ZNF595: variants seen among roughly 807,000 people sequenced by gnomAD.
ZNF595 encodes zinc finger protein 595.
ZNF595 carries 9 observed loss-of-function variants against 19.4 expected under a neutral mutation model. The ratio of observed to expected loss-of-function variants is 0.46; its 90% CI spans 0.28 to 0.81. The LOEUF (loss-of-function observed/expected upper bound fraction) is 0.81, where lower values mean the gene tolerates loss of function less well. Among genes scored for constraint, ZNF595 ranks in the 30% least tolerant of loss-of-function variants. ZNF595 has a pLI of 0.11. For missense variants in ZNF595, 729 were observed against 736.0 expected (o/e 0.99, Z 0.11); for synonymous variants, 255 against 255.9 (o/e 1.00, Z 0.03).
rs550396564 is a variant in ZNF595 at position 76,052 on chromosome 4, G to A, written c.227-9679G>A. ...ATTACAAGTACATGCCACCATGTCC[G>A]GCTAATTTTGTCAGTATTTTTTGTA... On this transcript the variant is annotated intron_variant, in intron 3 of 3. Coordinates refer to ENST00000610261, the MANE Select transcript of ZNF595 (RefSeq NM_182524.4). Among the ~76,000 whole-genome samples the A allele has an allele frequency of 1.1e-4, 17 of 151,954 alleles. No homozygotes were observed. The South Asian group carries it at 3.3e-3, about 30-fold the overall frequency.
chr4:86,977 G>T lies in ZNF595; in HGVS notation c.1473G>T (p.Trp491Cys). ...AAGAATGTGGCAAAGCTTTCATATGGTCCGCAAGCCTGAATGAACATAAGA... is the reference window on the plus strand; with the variant it reads ...AAGAATGTGGCAAAGCTTTCATATGTTCCGCAAGCCTGAATGAACATAAGA... The part of the protein sequence containing the change: ...KCEECGKAFI[W>C]SASLNEHKNI... Residue 491 changes from tryptophan to cysteine, a missense_variant, in exon 4 of 4, where the codon TGG (tryptophan) becomes TGT (cysteine). This residue lies in a region of ZNF595 where 729 missense variants were observed against 675.3 expected (regional missense o/e 1.08). Transcript: ENST00000610261. 2 of 1,612,830 alleles carry T rather than the reference G, an allele frequency of 1.2e-6. No homozygotes were observed. The highest frequency in any genetic ancestry group is 1.7e-6 in the Non-Finnish European group (2 of 1,179,768).
intron 3 of ZNF595, among the ~76,000 whole-genome samples, chr4:83,636 A>G (rs1442498198): frequency 2.0e-5 from 3 of 149,210 alleles, no homozygotes; most frequent in African/African-American, 4.9e-5. Flanking sequence ...AAAAAAAAAA[A>G]AAAAAAAAAG....
chr4:64,408 A>G (rs1469405436), intron 3 of ZNF595, among the ~76,000 whole-genome samples: 2 of 152,120 alleles, frequency 1.3e-5, no homozygotes, highest in East Asian at 3.8e-4. Context: ...TTTCCAAAAA[A>G]GAGAGAAAGT....
chr4:85,785 C>G lies in ZNF595; in HGVS notation c.281C>G (p.Ser94Ter). The change falls in exon 4 of 4, where the codon TCA becomes TGA. Residue 94 changes from serine (S) to a stop codon, truncating the protein, a stop_gained. Coordinates refer to ENST00000610261, the MANE Select transcript of ZNF595 (RefSeq NM_182524.4). LOFTEE classifies it low-confidence loss of function (END_TRUNC). ...DLSPVQGIED[S>*]FHKLILKRYE... Reference sequence around the variant, plus strand: ...TCACCAGTGCAGGGGATAGAAGATTCATTCCACAAACTTATACTGAAAAGA... The same window carrying G: ...TCACCAGTGCAGGGGATAGAAGATTGATTCCACAAACTTATACTGAAAAGA... 1 of 1,612,504 alleles carries G rather than the reference C, an allele frequency of 6.2e-7. No individual in the cohort carries two copies. Among genetic ancestry groups the G allele is most frequent in the Non-Finnish European group, 8.5e-7 (1 of 1,178,940 alleles).
intron 3 of ZNF595, among the ~76,000 whole-genome samples, chr4:69,883 G>A (rs1346930269): frequency 6.6e-6 from 1 of 152,130 alleles, no homozygotes; most frequent in African/African-American, 2.4e-5. Context: ...ATGTTTTCTT[G>A]CAGTAGTTTC....
rs1714167345 is a variant in ZNF595, at chr4:86,289, G to A, written c.785G>A (p.Gly262Asp). The change falls in exon 4 of 4, where the codon GGC (glycine) becomes GAC (aspartate). Residue 262 changes from glycine to aspartate, a missense_variant. Transcript: ENST00000610261. ...GEKPYKCEEC[G>D]KAFTRSTTLN... The stretch of plus-strand genomic sequence containing the variant: ...AAACCCTACAAATGTGAAGAATGTG[G>A]CAAAGCCTTTACAAGGTCCACAACA... 6.2e-7 allele frequency: 1 copy of A among 1,611,772 alleles called. No homozygotes were observed.
At position 86,559 on chromosome 4, in the gene ZNF595, C is replaced by T. The variant is rs1553801635; in HGVS notation, c.1055C>T (p.Ser352Phe). 1.9e-6 allele frequency: 3 copies of T among 1,613,810 alleles called. No individual in the cohort carries two copies. Among genetic ancestry groups the T allele is most frequent in the Non-Finnish European group, 2.5e-6 (3 of 1,179,856 alleles). ...AAATGTGGCAAAGCTTTTAACCAAT[C>T]CTCAAGTCTTATTATACACAGGAGC... ...CEKCGKAFNQ[S>F]SSLIIHRSIH... The change falls in exon 4 of 4, where the codon TCC becomes TTC. Residue 352 changes from serine to phenylalanine, a missense_variant. Around this residue, in one of 2 missense-constraint regions of ZNF595, gnomAD observed 729 missense variants for 675.3 expected, o/e 1.08. Transcript: ENST00000610261.
chr4:54,772 C>T (rs1581309149), intron 1 of ZNF595, among the ~76,000 whole-genome samples: 1 of 152,128 alleles, frequency 6.6e-6, no homozygotes, highest in African/African-American at 2.4e-5. Flanking sequence ...TCCGGACCAC[C>T]TGATCCTAAT....
Position 87,185 on chromosome 4 carries a change from G to A in ZNF595, c.1681G>A (p.Glu561Lys). 2 of 1,613,644 alleles carry A rather than the reference G, an allele frequency of 1.2e-6. No homozygotes were observed. The highest frequency in any genetic ancestry group is 1.7e-6 in the Non-Finnish European group (2 of 1,179,802). The change falls in exon 4 of 4, where the codon GAG becomes AAG. Residue 561 changes from glutamate to lysine, a missense_variant. Physicochemically the swap from Glu to Lys is moderately conservative, Grantham distance 56. Coordinates refer to ENST00000610261, the MANE Select transcript of ZNF595 (RefSeq NM_182524.4). ...TGAACATAAGAAAATTCATTCTGGA[G>A]AGAAACCCTACAAATGCAAAGAATG... is the stretch of plus-strand genomic sequence containing the variant. ...LNEHKKIHSG[E>K]KPYKCKECGK...
At chr4:59,053 AAC>A (rs1157174110) in intron 1 of ZNF595, among the ~76,000 whole-genome samples, 3 of 132,122 alleles carry the variant, frequency 2.3e-5, no homozygotes, top group Non-Finnish European at 4.9e-5. Flanking sequence ...TTTGAAGAGA[AAC>A]AGTCACCTGT....
At chr4:68,818 A>C (rs1216011492) in intron 3 of ZNF595, among the ~76,000 whole-genome samples, 1 of 152,172 alleles carries the variant, frequency 6.6e-6, no homozygotes, top group African/African-American at 2.4e-5. Flanking sequence ...TTTTGACTAT[A>C]GTCACTCTGT....
chr4:72,358 TG>T (rs1553798017), intron 3 of ZNF595, among the ~76,000 whole-genome samples: 1 of 152,162 alleles, frequency 6.6e-6, no homozygotes, highest in East Asian at 1.9e-4. Context: ...AAAATATTAC[TG>T]GGTGAAAAGA....
chr4:81,529 T>C (rs1440531815), intron 3 of ZNF595, among the ~76,000 whole-genome samples: 1 of 152,218 alleles, frequency 6.6e-6, no homozygotes, highest in Non-Finnish European at 1.5e-5. Flanking sequence ...TGTATCTGTT[T>C]TAGATATTAT....
At chr4:71,231 T>A (rs958410130) in intron 3 of ZNF595, among the ~76,000 whole-genome samples, 24 of 152,216 alleles carry the variant, frequency 1.6e-4, no homozygotes, top group African/African-American at 5.8e-4. Flanking sequence ...TTCTAGTTAA[T>A]TAGGTTTTTT....
At chr4:84,623 A>T (rs1553800713) in intron 3 of ZNF595, among the ~76,000 whole-genome samples, 1 of 152,140 alleles carries the variant, frequency 6.6e-6, no homozygotes, top group East Asian at 1.9e-4. Flanking sequence ...AACTCCTAAG[A>T]TTCTCTGTCT....
intron 3 of ZNF595, among the ~76,000 whole-genome samples, chr4:83,619 CA>C (rs71164492): frequency 0.034 from 1,294 of 38,500 alleles, 2 homozygotes; most frequent in Non-Finnish European, 0.054. Flanking sequence ...GACTCCGTCT[CA>C]AAAAAAAAAA....
intron 3 of ZNF595, among the ~76,000 whole-genome samples, chr4:70,483 G>A (rs548425569): frequency 3.3e-5 from 5 of 151,848 alleles, no homozygotes; most frequent in South Asian, 4.2e-4. Flanking sequence ...GACTACAGGC[G>A]TGCACCCCCA....
At chr4:78,828 G>A (rs540731544) in intron 3 of ZNF595, among the ~76,000 whole-genome samples, 1 of 152,126 alleles carries the variant, frequency 6.6e-6, no homozygotes, top group Admixed American at 6.5e-5. Context: ...TGAGTAGCTG[G>A]GATTACAGGA....
In ZNF595 at chr4:86,128, C is replaced by G. The variant is rs1411832150; in HGVS notation, c.624C>G (p.Ala208=). The change falls in exon 4 of 4, where the codon GCC becomes GCG. Residue 208 remains alanine (A), a synonymous_variant. Transcript: ENST00000610261. ...ACAAATGTGAAAAATGTGGCAAAGC[C>G]TTTAATAGGTCCACATCACTTAGTA... ...KPYKCEKCGK[A]FNRSTSLSKH... 2.5e-6 allele frequency: 4 copies of G among 1,613,162 alleles called. No homozygotes were observed. The highest frequency in any genetic ancestry group is 3.4e-6 in the Non-Finnish European group (4 of 1,179,606).
Sources: allele counts gnomAD v4.1 joint callset (sites outside exome capture counted in the v4.1 genomes callset), GRCh38; gene constraint gnomAD v4.1.1; regional missense constraint gnomAD v4.1.1; transcripts MANE v1.5; gene names NCBI Gene and HGNC (gene_info 2026-07-23, HGNC 2026-07-21).